Variants in WWP1 observed in about 807,000 individuals in gnomAD.
WWP1 encodes NEDD4-like E3 ubiquitin-protein ligase WWP1.
Under a neutral mutation model 130.6 loss-of-function variants are expected in WWP1, and 49 were observed. The ratio of observed to expected loss-of-function variants is 0.38; its 90% CI spans 0.30 to 0.48. WWP1 has a LOEUF of 0.48. Ranked by LOEUF, WWP1 falls within the 20% of genes least tolerant of loss-of-function variation. The pLI, the probability that WWP1 is intolerant of heterozygous loss-of-function variation, is 0.99. For synonymous variants in WWP1, 332 were observed against 367.8 expected (o/e 0.90, Z 1.11); for missense variants, 809 against 1,100.6 (o/e 0.74, Z 3.75).
At chr8:86,388,101 G>A (rs139599775) in intron 5 of WWP1, among the ~76,000 whole-genome samples, 1 of 150,886 alleles carries the variant, frequency 6.6e-6, no homozygotes, top group Non-Finnish European at 1.5e-5. Flanking sequence ...TACTGTATTG[G>A]TCAGTGCAGT....
Position 86,386,254 on chromosome 8 carries a change from G to A in WWP1, c.334+4625G>A, listed in dbSNP as rs144318125. 3.1e-3 allele frequency among the ~76,000 whole-genome samples: 478 copies of A among 152,144 alleles called. 1 individual carries two copies. Among genetic ancestry groups the A allele is most frequent in the African/African-American group, 0.011 (456 of 41,486 alleles). On this transcript the variant is annotated intron_variant, in intron 5 of 24. Coordinates refer to ENST00000517970, the MANE Select transcript of WWP1 (RefSeq NM_007013.4). ...TTATATTTCATTCTTTAACATAGGT[G>A]GAATTATTATGGAGAGTGTGTAAAA...
chr8:86,361,983 TATATATATAC>T (rs1376164388), intron 1 of WWP1, among the ~76,000 whole-genome samples: 1 of 142,094 alleles, frequency 7.0e-6, no homozygotes, highest in African/African-American at 2.5e-5. Flanking sequence ...TGTATATATA[TATATATATAC>T]ATATATATAC....
chr8:86,458,668 CTG>C (rs1563552039), intron 22 of WWP1, among the ~76,000 whole-genome samples: 1 of 152,130 alleles, frequency 6.6e-6, no homozygotes, highest in East Asian at 1.9e-4. Flanking sequence ...AACTTAGTGA[CTG>C]GACTTCTGGC....
chr8:86,348,006 G>A (rs1202474738), intron 1 of WWP1, among the ~76,000 whole-genome samples: 1 of 151,826 alleles, frequency 6.6e-6, no homozygotes, highest in Non-Finnish European at 1.5e-5. Context: ...TATTATTTTT[G>A]TATTAGATCA....
chr8:86,362,163 C>CATATATATAT lies in WWP1; in HGVS notation c.-114-6746_-114-6737dup, dbSNP rs34231831. Among the ~76,000 whole-genome samples the CATATATATAT allele has an allele frequency of 3.0e-3, 179 of 58,986 alleles. 3 individuals carry two copies. Among genetic ancestry groups the CATATATATAT allele is most frequent in the African/African-American group, 6.4e-3 (65 of 10,130 alleles). The allele number at this position is 58,986 out of a possible 152,430, so 38.7% of individuals were successfully genotyped here. Reference sequence around the variant, plus strand: ...ATACTAGGCATATATATATACAAGGCATATATATATATATATATATATATA... The same window carrying CATATATATAT: ...ATACTAGGCATATATATATACAAGGCATATATATATATATATATATATATATATATATATA... On this transcript the variant is annotated intron_variant, in intron 1 of 24. Transcript: ENST00000517970.
chr8:86,402,268 A>G (rs1243587966), intron 8 of WWP1, 65 bp downstream of exon 8: 29 of 1,521,630 alleles, frequency 1.9e-5, no homozygotes, highest in Non-Finnish European at 2.2e-5. Flanking sequence ...GTATCCATCC[A>G]TGCCTACACT....
chr8:86,411,467 A>T, intron 8 of WWP1, 71 bp from the exon 9 acceptor site: 1 of 1,347,162 alleles, frequency 7.4e-7, no homozygotes, highest in Non-Finnish European at 1.0e-6. Flanking sequence ...GAATAAGTGT[A>T]GTCAATTGAT....
rs544387662 is a variant in WWP1 at position 86,367,976 on chromosome 8, T to C, written c.-114-963T>C. Among the ~76,000 whole-genome samples, 9 of 152,318 alleles carry C rather than the reference T, an allele frequency of 5.9e-5. No individual in the cohort carries two copies. In the South Asian group the frequency reaches 1.9e-3, roughly 32 times the overall value. ...ACTTACATAAACCGTGACTCCCAAA[T>C]GTTTCTTCTCCATGGACCTGTTTCC... On this transcript the variant is annotated intron_variant, in intron 1 of 24. Transcript: ENST00000517970.
intron 1 of WWP1, among the ~76,000 whole-genome samples, chr8:86,350,338 G>A (rs941154821): frequency 1.3e-5 from 2 of 152,192 alleles, no homozygotes; most frequent in African/African-American, 4.8e-5. Flanking sequence ...AAGAAAATGA[G>A]TGTTTAGTTT....
At chr8:86,439,436 C>A (rs1371558036) in intron 17 of WWP1, among the ~76,000 whole-genome samples, 3 of 152,020 alleles carry the variant, frequency 2.0e-5, no homozygotes, top group Non-Finnish European at 4.4e-5. Context: ...TCAAGAGATT[C>A]CCCCAACCTT....
intron 20 of WWP1, among the ~76,000 whole-genome samples, chr8:86,450,823 A>T (rs1563545220): frequency 6.6e-6 from 1 of 152,138 alleles, no homozygotes; most frequent in Non-Finnish European, 1.5e-5. Flanking sequence ...AATATATATG[A>T]AGTACTACTG....
intron 1 of WWP1, among the ~76,000 whole-genome samples, chr8:86,355,211 T>C (rs1331234497): frequency 6.6e-6 from 1 of 152,194 alleles, no homozygotes; most frequent in East Asian, 1.9e-4. Flanking sequence ...TAAGAAACAA[T>C]CAGGAGATGT....
chr8:86,391,921 CAG>C (rs1388146844), intron 5 of WWP1, among the ~76,000 whole-genome samples: 5 of 152,044 alleles, frequency 3.3e-5, no homozygotes, highest in Admixed American at 3.3e-4. Context: ...TTATAGGAGA[CAG>C]AGGAAGGATT....
At chr8:86,362,199 T>TATATATACATATAC (rs1409280271) in intron 1 of WWP1, among the ~76,000 whole-genome samples, 9 of 121,038 alleles carry the variant, frequency 7.4e-5, no homozygotes, top group African/African-American at 2.4e-4. Flanking sequence ...TATATATATA[T>TATATATACATATAC]ATACTGGAAA....
At chr8:86,376,715 C>G (rs1054110070) in intron 3 of WWP1, among the ~76,000 whole-genome samples, 1 of 152,116 alleles carries the variant, frequency 6.6e-6, no homozygotes, top group African/African-American at 2.4e-5. Context: ...GTCTAAGTAG[C>G]CAAAACAATG....
In WWP1 at chr8:86,411,783, T is replaced by C; in HGVS notation, c.970T>C (p.Phe324Leu). The C allele has an allele frequency of 6.2e-7, 1 of 1,614,162 alleles. No individual in the cohort carries two copies. Among genetic ancestry groups the C allele is most frequent in the Non-Finnish European group, 8.5e-7 (1 of 1,180,038 alleles). ...CTCTAATTCTAGAAGTAGTTCTGCT[T>C]TTGAAGCAGCCAAATCAAGACAGCC... Reference protein sequence around the residue: ...DTSNSRSSSAFEAAKSRQPDG... With the variant: ...DTSNSRSSSALEAAKSRQPDG... The change falls in exon 9 of 25, where the codon TTT (phenylalanine) becomes CTT (leucine). Residue 324 changes from phenylalanine to leucine, a missense_variant. Coordinates refer to ENST00000517970, the MANE Select transcript of WWP1 (RefSeq NM_007013.4).
chr8:86,423,902 C>T (rs1247315197), intron 9 of WWP1, among the ~76,000 whole-genome samples: 2 of 136,922 alleles, frequency 1.5e-5, no homozygotes, highest in South Asian at 2.4e-4. Flanking sequence ...GCGGGGGCTG[C>T]CCCCCACCTC....
At chr8:86,409,226 CT>C (rs1230976832) in intron 8 of WWP1, among the ~76,000 whole-genome samples, 15,606 of 100,824 alleles carry the variant, frequency 0.15, 605 homozygotes, top group Non-Finnish European at 0.2. Flanking sequence ...CTTTTTCTTT[CT>C]TTTTTTTTTT....
rs2130314850 is a variant in WWP1, at chr8:86,374,140, A to G, written c.70+20A>G. On this transcript the variant is annotated intron_variant, in intron 3 of 24. Transcript: ENST00000517970. ...TAACTGGTAAGTTATTTTTATATTTAATATGGTGATTCCCTGATGAACTTT... is the reference window on the plus strand; with the variant it reads ...TAACTGGTAAGTTATTTTTATATTTGATATGGTGATTCCCTGATGAACTTT... The G allele has an allele frequency of 6.3e-7, 1 of 1,576,884 alleles. No individual in the cohort carries two copies. The highest frequency in any genetic ancestry group is 8.6e-7 in the Non-Finnish European group (1 of 1,158,054).
Sources: gnomAD v4.1 joint callset for allele counts (sites outside exome capture counted in the v4.1 genomes callset) on GRCh38, gnomAD v4.1.1 for gene constraint, MANE v1.5 for transcripts, NCBI Gene and HGNC (gene_info 2026-07-23, HGNC 2026-07-21) for gene names.